The following DAB1 variants were observed in gnomAD, a reference collection of about 807,000 sequenced individuals.
The protein encoded by DAB1 is DAB adaptor protein 1, also known as disabled homolog 1.
DAB1 carries 15 observed loss-of-function variants against 64.6 expected under a neutral mutation model. That is an observed-to-expected ratio of 0.23 (90% CI 0.16 to 0.36). The LOEUF (loss-of-function observed/expected upper bound fraction) is 0.36. Ranked by LOEUF, DAB1 falls within the 10% of genes least tolerant of loss-of-function variation. The pLI, the probability that DAB1 is intolerant of heterozygous loss-of-function variation, is 1.00. For missense variants in DAB1, 596 were observed against 706.7 expected (o/e 0.84, Z 1.78); for synonymous variants, 235 against 251.9 (o/e 0.93, Z 0.64).
intron 4 of DAB1, among the ~76,000 whole-genome samples, chr1:58,240,685 C>T (rs2100377435): frequency 6.6e-6 from 1 of 152,248 alleles, no homozygotes; most frequent in African/African-American, 2.4e-5. Context: ...ACTAAAAAGA[C>T]CCCTAAGTAG....
chr1:57,028,496 C>A (rs1268488376), intron 9 of DAB1, among the ~76,000 whole-genome samples: 1 of 152,254 alleles, frequency 6.6e-6, no homozygotes, highest in East Asian at 1.9e-4. Context: ...AATGTGGAAG[C>A]AACTTTGGAA....
intron 4 of DAB1, among the ~76,000 whole-genome samples, chr1:58,279,918 A>G (rs77925710): frequency 0.01 from 1,579 of 152,258 alleles, 31 homozygotes; most frequent in African/African-American, 0.032. Context: ...TTGAGCTCTC[A>G]TAGAAACGAG....
intron 3 of DAB1, among the ~76,000 whole-genome samples, chr1:58,370,048 A>G (rs1024384441): frequency 5.3e-5 from 8 of 152,234 alleles, no homozygotes; most frequent in Non-Finnish European, 1.2e-4. Flanking sequence ...GGACCCAGTG[A>G]TGCCATATTT....
intron 7 of DAB1, among the ~76,000 whole-genome samples, chr1:57,537,549 A>G (rs1644745085): frequency 1.3e-5 from 2 of 152,198 alleles, no homozygotes; most frequent in East Asian, 1.9e-4. Context: ...AATTTTAGGG[A>G]AAGAGCCCAG....
chr1:58,492,020 G>C (rs1645702921), intron 3 of DAB1, among the ~76,000 whole-genome samples: 1 of 152,128 alleles, frequency 6.6e-6, no homozygotes, highest in Non-Finnish European at 1.5e-5. Context: ...TGGAAGTAAA[G>C]CACTCCTCAG....
intron 9 of DAB1, among the ~76,000 whole-genome samples, 189 bp from the exon 10 acceptor site, chr1:57,026,232 A>G (rs1046107312): frequency 6.6e-6 from 1 of 152,230 alleles, no homozygotes; most frequent in African/African-American, 2.4e-5. Context: ...GCCAGAATCA[A>G]TTCTTGCTTC....
chr1:57,412,029 A>G (rs1047334111), intron 1 of DAB1, among the ~76,000 whole-genome samples: 1 of 152,222 alleles, frequency 6.6e-6, no homozygotes, highest in Non-Finnish European at 1.5e-5. Context: ...TACTTTGGTA[A>G]TTCTCACAAT....
chr1:57,625,778 C>T (rs777147663), intron 7 of DAB1, among the ~76,000 whole-genome samples: 13 of 151,774 alleles, frequency 8.6e-5, no homozygotes, highest in African/African-American at 1.7e-4. Context: ...GAGTGAAGAC[C>T]GGGAATCAGG....
At chr1:57,326,411 A>G (rs1676159373) in intron 1 of DAB1, among the ~76,000 whole-genome samples, 1 of 152,166 alleles carries the variant, frequency 6.6e-6, no homozygotes, top group Admixed American at 6.5e-5. Context: ...GGTACTTTGA[A>G]AATTGATTCT....
intron 4 of DAB1, among the ~76,000 whole-genome samples, chr1:58,179,200 G>T (rs1656648795): frequency 6.6e-6 from 1 of 151,728 alleles, no homozygotes; most frequent in African/African-American, 2.4e-5. Flanking sequence ...TTGTGAAGTA[G>T]AATCTCTTTA....
chr1:57,388,959 C>G (rs1682114303), intron 1 of DAB1, among the ~76,000 whole-genome samples: 1 of 152,228 alleles, frequency 6.6e-6, no homozygotes, highest in South Asian at 2.1e-4. Context: ...TTGAAGCTGT[C>G]CCAGCTCTGC....
intron 6 of DAB1, among the ~76,000 whole-genome samples, chr1:57,725,767 T>C (rs1647201919): frequency 1.3e-5 from 2 of 152,118 alleles, no homozygotes; most frequent in Non-Finnish European, 2.9e-5. Context: ...TCTTTTTTTT[T>C]TTGAGACAGA....
At chr1:58,220,984 G>C (rs986359636) in intron 4 of DAB1, among the ~76,000 whole-genome samples, 3 of 134,742 alleles carry the variant, frequency 2.2e-5, no homozygotes, top group Non-Finnish European at 3.1e-5. Flanking sequence ...GGAAAGCTAT[G>C]AGATTGATTT....
At chr1:58,373,515 C>T (rs9659501) in intron 3 of DAB1, among the ~76,000 whole-genome samples, 70,587 of 148,862 alleles carry the variant, frequency 0.47, 18,275 homozygotes, top group Admixed American at 0.61. Flanking sequence ...TCATTTCTTA[C>T]GGCTGCATAG....
chr1:58,026,206 C>A (rs1009930169), intron 5 of DAB1, among the ~76,000 whole-genome samples: 2 of 152,138 alleles, frequency 1.3e-5, no homozygotes, highest in Non-Finnish European at 2.9e-5. Context: ...ATATTTCCTA[C>A]ACAGTTACCA....
intron 5 of DAB1, among the ~76,000 whole-genome samples, chr1:57,893,967 G>A (rs952694498): frequency 1.3e-5 from 2 of 152,134 alleles, no homozygotes; most frequent in African/African-American, 4.8e-5. Flanking sequence ...TCCGGCTGGG[G>A]AGGGAAGAAC....
chr1:57,325,787 T>C (rs1676102219), intron 1 of DAB1, among the ~76,000 whole-genome samples: 1 of 152,162 alleles, frequency 6.6e-6, no homozygotes, highest in Non-Finnish European at 1.5e-5. Flanking sequence ...TTCCCTCACC[T>C]TCCCATTCCC....
intron 7 of DAB1, among the ~76,000 whole-genome samples, chr1:57,463,846 T>C (rs919369125): frequency 6.6e-6 from 1 of 152,152 alleles, no homozygotes; most frequent in African/African-American, 2.4e-5. Flanking sequence ...CACACAGACA[T>C]AAATAAGACA....
At chr1:58,253,920 C>T (rs1444482381) in intron 4 of DAB1, among the ~76,000 whole-genome samples, 1 of 152,194 alleles carries the variant, frequency 6.6e-6, no homozygotes, top group African/African-American at 2.4e-5. Flanking sequence ...CCCAGCCCTT[C>T]GCAGATACCC....
Sources: allele counts gnomAD v4.1 joint callset (sites outside exome capture counted in the v4.1 genomes callset), GRCh38; gene constraint gnomAD v4.1.1; transcripts MANE v1.5; gene names NCBI Gene and HGNC (gene_info 2026-07-23, HGNC 2026-07-21).